UBE2U: variants seen among roughly 807,000 people sequenced by gnomAD.
UBE2U encodes the protein ubiquitin conjugating enzyme E2 U.
A neutral mutation model predicts 41.2 loss-of-function variants in UBE2U; 39 were observed. That is an observed-to-expected ratio of 0.95 (90% CI 0.73 to 1.24). The LOEUF is 1.24. Among genes scored for constraint, UBE2U ranks in the 50% most tolerant of loss-of-function variants. The probability of loss-of-function intolerance (pLI) is 0.00; values close to 1 mark genes in which losing one functional copy is unlikely to be tolerated. For missense variants in UBE2U, 336 were observed against 363.1 expected, an observed-to-expected ratio of 0.93 and a Z score of 0.61; for synonymous variants, 107 against 117.8, an observed-to-expected ratio of 0.91 and a Z score of 0.60.
rs910902790 is a variant in UBE2U, at chr1:64,263,385, C to A, written c.769+2691C>A. On this transcript the variant is annotated intron_variant, in intron 9 of 9. Coordinates refer to ENST00000371077, the MANE Select transcript of UBE2U (RefSeq NM_001366232.2). ...TTGCATGATTTGGCTTGCTCTTTTT[C>A]TCTTCTGCCATCATCACCAGAGCGT... is the stretch of plus-strand genomic sequence containing the variant. Among the ~76,000 whole-genome samples, 12 of 152,128 alleles carry A rather than the reference C, an allele frequency of 7.9e-5. 1 individual carries two copies. Among genetic ancestry groups the A allele is most frequent in the Admixed American group, 2.0e-4 (3 of 15,266 alleles).
rs375161573 is a variant in UBE2U at position 64,220,901 on chromosome 1, G to T, written c.500G>T (p.Cys167Phe). 14 of 1,602,482 alleles carry T rather than the reference G, an allele frequency of 8.7e-6. No homozygotes were observed. The highest frequency in any genetic ancestry group is 1.0e-5 in the Non-Finnish European group (12 of 1,176,000). The change falls in exon 6 of 10, where the codon TGT becomes TTT. Residue 167 changes from cysteine (C) to phenylalanine (F), a missense_variant. Cys to Phe is a radical substitution (Grantham distance 205). Transcript: ENST00000371077. ...SQELPKDPRKCIRPIKTTSFS... is the reference protein window; with the variant it reads ...SQELPKDPRKFIRPIKTTSFS... ...GAGTTACCTAAAGACCCACGTAAAT[G>T]TATCAGGTAAGTTTTTCTTTATACA...
At chr1:64,206,176 C>A (rs370842900) in intron 2 of UBE2U, among the ~76,000 whole-genome samples, 20 of 152,162 alleles carry the variant, frequency 1.3e-4, no homozygotes, top group African/African-American at 4.8e-4. Flanking sequence ...AACTTTAATG[C>A]TCATGTTTTC....
chr1:64,208,828 G>C (rs371120936), intron 3 of UBE2U, among the ~76,000 whole-genome samples: 19 of 152,122 alleles, frequency 1.2e-4, no homozygotes, highest in African/African-American at 4.6e-4. Flanking sequence ...TCTTCACTGC[G>C]TGGCATATAG....
chr1:64,244,909 T>C (rs1644895156), intron 8 of UBE2U, among the ~76,000 whole-genome samples: 1 of 152,184 alleles, frequency 6.6e-6, no homozygotes, highest in Non-Finnish European at 1.5e-5. Flanking sequence ...CAATTAGTAT[T>C]AGGATTAAAT....
At chr1:64,232,759 A>G in intron 7 of UBE2U, 110 bp downstream of exon 7, 5 of 708,494 alleles carry the variant, frequency 7.1e-6, no homozygotes, top group Non-Finnish European at 9.3e-6. Flanking sequence ...AGAGTGATAA[A>G]CTTCTCTGTA....
Position 64,260,640 on chromosome 1 carries a change from A to C in UBE2U, c.715A>C (p.Met239Leu). 6.5e-7 allele frequency: 1 copy of C among 1,549,616 alleles called. No homozygotes were observed. Among genetic ancestry groups the C allele is most frequent in the Admixed American group, 2.0e-5 (1 of 50,978 alleles). ...VIKCWLARKR[M>L]PHEVTHSMEE... ...CAAGTGTTGGCTTGCTAGAAAAAGAATGCCTCATGAAGTCACTCACTCAAT... is the reference window on the plus strand; with the variant it reads ...CAAGTGTTGGCTTGCTAGAAAAAGACTGCCTCATGAAGTCACTCACTCAAT... The change falls in exon 9 of 10, where the codon ATG becomes CTG. Residue 239 changes from methionine to leucine, a missense_variant. Met to Leu is a conservative substitution (Grantham distance 15). Transcript: ENST00000371077.
chr1:64,205,926 T>C (rs1651268270), intron 2 of UBE2U, among the ~76,000 whole-genome samples: 1 of 152,180 alleles, frequency 6.6e-6, no homozygotes, highest in Non-Finnish European at 1.5e-5. Context: ...TGTGTCAACA[T>C]AGATGGAAAT....
intron 8 of UBE2U, among the ~76,000 whole-genome samples, chr1:64,252,519 C>T (rs1422312803): frequency 6.6e-6 from 1 of 152,196 alleles, no homozygotes; most frequent in Non-Finnish European, 1.5e-5. Context: ...AGGTCAGTAT[C>T]CCTCTAGGAT....
chr1:64,237,608 G>A lies in UBE2U; in HGVS notation c.596-4044G>A, dbSNP rs112147994. Reference sequence around the variant, plus strand: ...ATATCTAGACAATTGGCTGTGTGTGGGAGATAAGAAGACACATTGTGCTAA... The same window carrying A: ...ATATCTAGACAATTGGCTGTGTGTGAGAGATAAGAAGACACATTGTGCTAA... On this transcript the variant is annotated intron_variant, in intron 7 of 9. Transcript: ENST00000371077. Among the ~76,000 whole-genome samples the A allele has an allele frequency of 4.8e-3, 727 of 152,178 alleles. 5 individuals carry two copies. Among genetic ancestry groups the A allele is most frequent in the African/African-American group, 0.017 (700 of 41,512 alleles).
Position 64,218,459 on chromosome 1 carries a change from G to C in UBE2U, c.458-2400G>C, listed in dbSNP as rs551037460. 5.9e-5 allele frequency among the ~76,000 whole-genome samples: 9 copies of C among 152,198 alleles called. No individual in the cohort carries two copies. In the South Asian group the frequency reaches 1.9e-3, roughly 32 times the overall value. On this transcript the variant is annotated intron_variant, in intron 5 of 9. Coordinates refer to ENST00000371077, the MANE Select transcript of UBE2U (RefSeq NM_001366232.2). ...AAAGAAATATATGTTGATAGTTTTA[G>C]AGGACAAATAATAGGAATCAGTTTT...
intron 5 of UBE2U, among the ~76,000 whole-genome samples, chr1:64,215,819 GCTCT>G (rs146341594): frequency 6.6e-6 from 1 of 151,630 alleles, no homozygotes; most frequent in African/African-American, 2.4e-5. Context: ...GCCCCTGTGC[GCTCT>G]CTCTCTCTTT....
intron 8 of UBE2U, chr1:64,244,448 A>C: frequency 5.1e-6 from 1 of 196,424 alleles, no homozygotes; most frequent in Non-Finnish European, 9.3e-6. Context: ...ATGAAAGTTC[A>C]TGCCACCCTA....
At chr1:64,253,153 G>A (rs1557744823) in intron 8 of UBE2U, among the ~76,000 whole-genome samples, 2 of 152,014 alleles carry the variant, frequency 1.3e-5, no homozygotes, top group Admixed American at 6.6e-5. Flanking sequence ...TCAAGTGGAG[G>A]GTAGAATTTC....
chr1:64,260,585 T>C lies in UBE2U; in HGVS notation c.678-18T>C. 1 of 1,535,632 alleles carries C rather than the reference T, an allele frequency of 6.5e-7. No homozygotes were observed. Among genetic ancestry groups the C allele is most frequent in the African/African-American group, 1.4e-5 (1 of 72,576 alleles). ...CCAAAATTCATTTGGGAATTTAGTT[T>C]TCTTTTTCTCTTTCTAGGTATTCCG... On this transcript the variant is annotated intron_variant, in intron 8 of 9. Coordinates refer to ENST00000371077, the MANE Select transcript of UBE2U (RefSeq NM_001366232.2).
rs190007208 is a variant in UBE2U at position 64,215,881 on chromosome 1, G to A, written c.457+949G>A. The stretch of plus-strand genomic sequence containing the variant: ...CTTCTGGCTTCTTGTGCACAGAAGG[G>A]TTTCCCACAGCTGAGAGCTGGGCTC... On this transcript the variant is annotated intron_variant, in intron 5 of 9. Transcript: ENST00000371077. 3.3e-5 allele frequency among the ~76,000 whole-genome samples: 5 copies of A among 152,238 alleles called. No individual in the cohort carries two copies. The East Asian group carries it at 9.7e-4, about 29-fold the overall frequency.
At chr1:64,206,626 G>C (rs538627683) in intron 2 of UBE2U, 138 bp from the exon 3 acceptor site, 60 of 587,110 alleles carry the variant, frequency 1.0e-4, no homozygotes, top group African/African-American at 9.8e-4. Flanking sequence ...AGAGGAGTCG[G>C]TGCACTCTAT....
intron 8 of UBE2U, among the ~76,000 whole-genome samples, chr1:64,244,594 C>T (rs1644890450): frequency 6.6e-6 from 1 of 152,052 alleles, no homozygotes; most frequent in African/African-American, 2.4e-5. Context: ...TCTACTCCAC[C>T]TCCATCATTT....
intron 5 of UBE2U, among the ~76,000 whole-genome samples, chr1:64,215,977 T>C (rs1445145197): frequency 6.6e-6 from 1 of 152,228 alleles, no homozygotes; most frequent in African/African-American, 2.4e-5. Context: ...CCTTGCATAG[T>C]AGCTGGTATC....
At position 64,224,962 on chromosome 1, in the gene UBE2U, C is replaced by G. The variant is rs976868669; in HGVS notation, c.506+4055C>G. Reference sequence around the variant, plus strand: ...ACACACACACACACACACACACACACACACACAACTGAAAGGCATTTCTAG... The same window carrying G: ...ACACACACACACACACACACACACAGACACACAACTGAAAGGCATTTCTAG... On this transcript the variant is annotated intron_variant, in intron 6 of 9. Transcript: ENST00000371077. Among the ~76,000 whole-genome samples the G allele has an allele frequency of 1.4e-3, 210 of 151,994 alleles. 3 individuals carry two copies. The highest frequency in any genetic ancestry group is 5.5e-3 in the Admixed American group (84 of 15,260).
Sources: allele counts gnomAD v4.1 joint callset (sites outside exome capture counted in the v4.1 genomes callset), GRCh38; gene constraint gnomAD v4.1.1; transcripts MANE v1.5; gene names NCBI Gene and HGNC (gene_info 2026-07-23, HGNC 2026-07-21).